Variants in EYS observed in about 807,000 individuals in gnomAD.
EYS encodes EGF-like photoreceptor maintenance factor, also known as protein eyes shut homolog.
A neutral mutation model predicts 282.1 loss-of-function variants in EYS; 250 were observed. The observed-to-expected ratio is 0.89, with a 90% CI of 0.80 to 0.98. The LOEUF (loss-of-function observed/expected upper bound fraction) is 0.98. Ranked by LOEUF, EYS falls within the 50% of genes least tolerant of loss-of-function variation. EYS has a pLI of 0.00. For synonymous variants in EYS, 1,355 were observed against 1,282.9 expected, an observed-to-expected ratio of 1.06 and a Z score of -1.20; for missense variants, 4,016 against 3,709.0, an observed-to-expected ratio of 1.08 and a Z score of -2.15.
chr6:63,928,305 A>G (rs1764780383), intron 35 of EYS, among the ~76,000 whole-genome samples: 1 of 152,216 alleles, frequency 6.6e-6, no homozygotes, highest in Non-Finnish European at 1.5e-5. Context: ...CTTAAAAAAA[A>G]GTACATAATG....
chr6:65,345,870 A>T lies in EYS; in HGVS notation c.1460-1693T>A, dbSNP rs371058502. On this transcript the variant is annotated intron_variant, in intron 9 of 42. Transcript: ENST00000503581. ...CTACAGCCAAAACACAAATGAGGGG[A>T]TATAATTATGAAAAAAAAATTGGAC... 8.8e-4 allele frequency among the ~76,000 whole-genome samples: 134 copies of T among 151,872 alleles called. 1 individual carries two copies. The East Asian group carries it at 0.023, about 26-fold the overall frequency.
intron 15 of EYS, among the ~76,000 whole-genome samples, chr6:64,927,893 A>G (rs2150085313): frequency 6.6e-6 from 1 of 152,252 alleles, no homozygotes; most frequent in South Asian, 2.1e-4. Context: ...GTTTTGAAAT[A>G]GTTTATCAGA....
intron 31 of EYS, among the ~76,000 whole-genome samples, chr6:64,187,858 G>A (rs1764993985): frequency 6.6e-6 from 1 of 151,830 alleles, no homozygotes; most frequent in Non-Finnish European, 1.5e-5. Flanking sequence ...GGCTCTTTGT[G>A]TTTAATATAA....
intron 2 of EYS, among the ~76,000 whole-genome samples, chr6:65,513,455 C>A (rs191455881): frequency 6.6e-6 from 1 of 152,124 alleles, no homozygotes. Flanking sequence ...CCAGCATCAT[C>A]CTGATACCAA....
At chr6:64,947,475 T>G (rs1769324862) in intron 14 of EYS, among the ~76,000 whole-genome samples, 1 of 151,752 alleles carries the variant, frequency 6.6e-6, no homozygotes, top group South Asian at 2.1e-4. Flanking sequence ...TTTTCAACAT[T>G]GTGCTTTATT....
At chr6:63,910,990 T>C (rs1201601203) in intron 35 of EYS, among the ~76,000 whole-genome samples, 1 of 152,186 alleles carries the variant, frequency 6.6e-6, no homozygotes, top group Non-Finnish European at 1.5e-5. Context: ...GTTACTTGAT[T>C]CTGGTTTCCC....
chr6:64,489,481 CA>C lies in EYS; in HGVS notation c.5645-50130del, dbSNP rs1174844609. On this transcript the variant is annotated intron_variant, in intron 26 of 42. Transcript: ENST00000503581. ...TTATTCAAAATAGAAAAAAGTATGCCAATATTGGAAATATAAAAATTTACTA... is the reference window on the plus strand; with the variant it reads ...TTATTCAAAATAGAAAAAAGTATGCCATATTGGAAATATAAAAATTTACTA... Among the ~76,000 whole-genome samples the C allele has an allele frequency of 2.8e-5, 4 of 144,138 alleles. No homozygotes were observed. The Admixed American group carries it at 2.8e-4, about 10-fold the overall frequency. The allele number at this position is 144,138 out of a possible 152,430, so 94.6% of individuals were successfully genotyped here.
chr6:64,432,470 C>T (rs1180926752), intron 28 of EYS, among the ~76,000 whole-genome samples: 1 of 151,072 alleles, frequency 6.6e-6, no homozygotes, highest in Non-Finnish European at 1.5e-5. Flanking sequence ...TGGAAAAAGG[C>T]CCATAATACA....
At chr6:64,697,297 G>A (rs1158098190) in intron 22 of EYS, among the ~76,000 whole-genome samples, 3 of 151,978 alleles carry the variant, frequency 2.0e-5, no homozygotes, top group Non-Finnish European at 2.9e-5. Flanking sequence ...AGTAAAAAAA[G>A]ACAAAAAGGT....
intron 14 of EYS, among the ~76,000 whole-genome samples, chr6:64,954,147 T>C (rs931933490): frequency 1.1e-4 from 16 of 152,086 alleles, no homozygotes; most frequent in African/African-American, 3.4e-4. Context: ...TTGTCTACTA[T>C]GCTATTTTCA....
At chr6:65,120,279 G>A (rs1345288594) in intron 12 of EYS, among the ~76,000 whole-genome samples, 5 of 151,018 alleles carry the variant, frequency 3.3e-5, no homozygotes, top group Non-Finnish European at 7.4e-5. Flanking sequence ...TATGAAGATG[G>A]GTTTAAATCA....
chr6:64,949,882 G>GC (rs1444140724), intron 14 of EYS, among the ~76,000 whole-genome samples: 1 of 151,828 alleles, frequency 6.6e-6, no homozygotes, highest in African/African-American at 2.4e-5. Context: ...AGCCTTGAAG[G>GC]TAGTAATAAC....
chr6:64,710,275 T>C (rs1163210751), intron 22 of EYS, among the ~76,000 whole-genome samples: 3 of 152,202 alleles, frequency 2.0e-5, no homozygotes, highest in Admixed American at 6.5e-5. Context: ...TGGCATTTCA[T>C]AGCTGGTATT....
intron 24 of EYS, among the ~76,000 whole-genome samples, chr6:64,607,993 G>C (rs1319747808): frequency 6.6e-6 from 1 of 152,088 alleles, no homozygotes; most frequent in Non-Finnish European, 1.5e-5. Context: ...CAAATAGTTA[G>C]GCTTCCTTCA....
intron 22 of EYS, among the ~76,000 whole-genome samples, chr6:64,801,630 C>A (rs1764233480): frequency 6.6e-6 from 1 of 151,718 alleles, no homozygotes; most frequent in African/African-American, 2.4e-5. Flanking sequence ...TTTTTGAATC[C>A]TTTTTAATGT....
intron 26 of EYS, among the ~76,000 whole-genome samples, chr6:64,565,594 C>T (rs1286521583): frequency 1.3e-5 from 2 of 151,780 alleles, no homozygotes; most frequent in East Asian, 1.9e-4. Flanking sequence ...ATGGTGGTTG[C>T]CACAAGCTGG....
chr6:64,705,719 T>C (rs1000591742), intron 22 of EYS, among the ~76,000 whole-genome samples: 1 of 150,790 alleles, frequency 6.6e-6, no homozygotes, highest in Non-Finnish European at 1.5e-5. Flanking sequence ...CAGTAAACTA[T>C]CGCAAGAACA....
At chr6:63,980,675 A>G (rs1767045534) in intron 35 of EYS, among the ~76,000 whole-genome samples, 1 of 151,870 alleles carries the variant, frequency 6.6e-6, no homozygotes, top group African/African-American at 2.4e-5. Flanking sequence ...CTATTTTGAA[A>G]GCTGTCTTGC....
intron 15 of EYS, among the ~76,000 whole-genome samples, chr6:64,939,819 CTGA>C (rs375416413): frequency 5.3e-5 from 8 of 152,038 alleles, no homozygotes; most frequent in Admixed American, 1.3e-4. Flanking sequence ...AAGTGTTCTT[CTGA>C]TGACCATTTC....
Sources: gnomAD v4.1 joint callset for allele counts (sites outside exome capture counted in the v4.1 genomes callset) on GRCh38, gnomAD v4.1.1 for gene constraint, MANE v1.5 for transcripts, NCBI Gene and HGNC (gene_info 2026-07-23, HGNC 2026-07-21) for gene names.